Variants in BAIAP2 observed in about 807,000 individuals in gnomAD.
BAIAP2 encodes BAR/IMD domain-containing adapter protein 2.
BAIAP2 carries 18 observed loss-of-function variants against 63.0 expected under a neutral mutation model. The observed-to-expected ratio is 0.29, with a 90% confidence interval of 0.20 to 0.42. The LOEUF (loss-of-function observed/expected upper bound fraction) is 0.42. Ranked by LOEUF, BAIAP2 falls within the 10% of genes least tolerant of loss-of-function variation. BAIAP2 has a pLI of 1.00. For synonymous variants in BAIAP2, 386 were observed against 307.6 expected (o/e 1.25, Z -2.67); for missense variants, 610 against 734.3 (o/e 0.83, Z 1.96).
At chr17:81,036,030 A>G (rs2046206144) in intron 1 of BAIAP2, 1 of 152,222 alleles carries the variant, frequency 6.6e-6, no homozygotes, top group African/African-American at 2.4e-5. Context: ...TAAGAGTGGC[A>G]TCCACGTTCT....
intron 3 of BAIAP2, among the ~76,000 whole-genome samples, chr17:81,069,330 G>T (rs763768899): frequency 6.6e-6 from 1 of 152,204 alleles, no homozygotes; most frequent in Non-Finnish European, 1.5e-5. Context: ...GCACGCACGC[G>T]GGCACAGATA....
chr17:81,055,612 C>CTG (rs2049401252), intron 2 of BAIAP2, among the ~76,000 whole-genome samples: 2 of 82,040 alleles, frequency 2.4e-5, no homozygotes, highest in Admixed American at 1.6e-4. Flanking sequence ...GTTGCCCAGG[C>CTG]CAGACTGCAG....
chr17:81,043,971 G>T (rs145317502), intron 1 of BAIAP2, among the ~76,000 whole-genome samples: 1 of 152,228 alleles, frequency 6.6e-6, no homozygotes, highest in Non-Finnish European at 1.5e-5. Context: ...GGCCACGATC[G>T]CTAGCTTGTG....
At chr17:81,110,347 G>A (rs1301227437) in intron 13 of BAIAP2, 1 of 986,362 alleles carries the variant, frequency 1.0e-6, no homozygotes, top group Non-Finnish European at 1.2e-6. Flanking sequence ...TCAAATCCAG[G>A]GGATTCCATG....
chr17:81,097,540 G>C (rs1216953559), intron 6 of BAIAP2: 1 of 152,288 alleles, frequency 6.6e-6, no homozygotes, highest in African/African-American at 2.4e-5. Flanking sequence ...CGGCCGCGAG[G>C]CTGAGTCAGG....
At chr17:81,094,759 T>C (rs988235178) in intron 6 of BAIAP2, among the ~76,000 whole-genome samples, 1 of 152,182 alleles carries the variant, frequency 6.6e-6, no homozygotes, top group Admixed American at 6.5e-5. Context: ...CCAGTGACCA[T>C]GTGCTACTTG....
At chr17:81,107,031 C>T in intron 12 of BAIAP2, 124 bp downstream of exon 12, 1 of 1,191,050 alleles carries the variant, frequency 8.4e-7, no homozygotes, top group Non-Finnish European at 1.1e-6. Flanking sequence ...TTGGACAGCC[C>T]TGGGGTGAAG....
chr17:81,116,351 T>C lies in BAIAP2; in HGVS notation c.*512T>C. The C allele has an allele frequency of 6.2e-7, 1 of 1,608,500 alleles. No homozygotes were observed. Among genetic ancestry groups the C allele is most frequent in the Non-Finnish European group, 8.5e-7 (1 of 1,177,574 alleles). On this transcript the variant is annotated 3_prime_UTR_variant, in exon 14 of 14. Coordinates refer to ENST00000428708, the MANE Select transcript of BAIAP2 (RefSeq NM_001144888.2). ...TCCCTGCAGGTCCGGCAGCTACACC[T>C]GGAGTGTGGGGCCTGGTCCCTCCCC...
chr17:81,077,491 C>T (rs1444621661), intron 3 of BAIAP2, among the ~76,000 whole-genome samples: 2 of 152,084 alleles, frequency 1.3e-5, no homozygotes, highest in East Asian at 3.9e-4. Context: ...TCACTTGAAC[C>T]CGGGAGGCGG....
intron 7 of BAIAP2, among the ~76,000 whole-genome samples, chr17:81,101,635 GCACACACA>G (rs57194901): frequency 6.6e-6 from 1 of 151,498 alleles, no homozygotes; most frequent in South Asian, 2.1e-4. Context: ...GCGCGTGCGT[GCACACACA>G]CACACACGCA....
At chr17:81,095,011 CGGAGA>C (rs1036667590) in intron 6 of BAIAP2, among the ~76,000 whole-genome samples, 10 of 152,248 alleles carry the variant, frequency 6.6e-5, no homozygotes, top group African/African-American at 9.6e-5. Flanking sequence ...CCGCATGCTG[CGGAGA>C]GGAGAGATGT....
chr17:81,059,036 C>T lies in BAIAP2; in HGVS notation c.217+1069C>T, dbSNP rs142897193. The stretch of plus-strand genomic sequence containing the variant: ...AACCCAGCTTTGCCTGTCCAGGCCC[C>T]GTTCTCTCCAGTTCACTCACGACGT... On this transcript the variant is annotated intron_variant, in intron 3 of 13. Coordinates refer to ENST00000428708, the MANE Select transcript of BAIAP2 (RefSeq NM_001144888.2). Among the ~76,000 whole-genome samples, 1,453 of 152,286 alleles carry T rather than the reference C, an allele frequency of 9.5e-3. 24 individuals carry two copies. The highest frequency in any genetic ancestry group is 0.034 in the African/African-American group (1,394 of 41,548).
At chr17:81,102,716 A>AGGG (rs1221729515) in intron 7 of BAIAP2, among the ~76,000 whole-genome samples, 1 of 102,298 alleles carries the variant, frequency 9.8e-6, no homozygotes, top group East Asian at 3.9e-4. Context: ...CACATGTAGA[A>AGGG]GGGAACGGGG....
chr17:81,035,559 C>T (rs1370108012), intron 1 of BAIAP2, among the ~76,000 whole-genome samples: 7 of 149,638 alleles, frequency 4.7e-5, no homozygotes, highest in African/African-American at 1.5e-4. Flanking sequence ...CCCGGTCAGT[C>T]CCCAGCCCCA....
At chr17:81,036,874 G>A (rs542504895) in intron 1 of BAIAP2, 51 of 1,535,810 alleles carry the variant, frequency 3.3e-5, no homozygotes, top group Non-Finnish European at 4.2e-5. Context: ...GGGTGGAAGA[G>A]AAGTACCAGC....
chr17:81,061,257 T>C (rs1448994137), intron 3 of BAIAP2, among the ~76,000 whole-genome samples: 1 of 152,230 alleles, frequency 6.6e-6, no homozygotes, highest in Non-Finnish European at 1.5e-5. Flanking sequence ...TGTTATCTGA[T>C]GATATAAATT....
At chr17:81,048,911 C>T (rs1488333095) in intron 1 of BAIAP2, among the ~76,000 whole-genome samples, 3 of 152,228 alleles carry the variant, frequency 2.0e-5, no homozygotes, top group Non-Finnish European at 4.4e-5. Context: ...GGCATGCGTC[C>T]TATGAGGGGA....
At chr17:81,115,377 C>T (rs1184760697) in intron 13 of BAIAP2, among the ~76,000 whole-genome samples, 1 of 152,216 alleles carries the variant, frequency 6.6e-6, no homozygotes, top group African/African-American at 2.4e-5. Context: ...GGTGGGGGAG[C>T]CACCAAACTG....
At position 81,099,955 on chromosome 17, in the gene BAIAP2, G is replaced by C; in HGVS notation, c.517G>C (p.Gly173Arg). The change falls in exon 7 of 14, where the codon GGC becomes CGC. Residue 173 changes from glycine to arginine, a missense_variant. Around this residue, in one of 5 missense-constraint regions of BAIAP2, gnomAD observed 389 missense variants for 455.6 expected, o/e 0.85. Transcript: ENST00000428708. ...CATCGACGCCATCAGCAACAAGCAG[G>C]GCGAGCTGGAGAATTACGTGTCCGA... ...QYIDAISNKQ[G>R]ELENYVSDGY... The C allele has an allele frequency of 1.2e-6, 2 of 1,613,502 alleles. No individual in the cohort carries two copies. Among genetic ancestry groups the C allele is most frequent in the Non-Finnish European group, 8.5e-7 (1 of 1,179,948 alleles).
Sources: allele counts gnomAD v4.1 joint callset (sites outside exome capture counted in the v4.1 genomes callset), GRCh38; gene constraint gnomAD v4.1.1; regional missense constraint gnomAD v4.1.1; transcripts MANE v1.5; gene names NCBI Gene and HGNC (gene_info 2026-07-23, HGNC 2026-07-21).